Variants in GBP1 observed in about 807,000 individuals in gnomAD.
GBP1 encodes the protein guanylate-binding protein 1.
Under a neutral mutation model 69.5 loss-of-function variants are expected in GBP1, and 64 were observed. That is an observed-to-expected ratio of 0.92 (90% CI 0.75 to 1.13). GBP1 has a LOEUF of 1.13. GBP1 is among the 50% of genes most tolerant of loss of function. The probability of loss-of-function intolerance (pLI) is 0.00; values close to 1 mark genes in which losing one functional copy is unlikely to be tolerated. For missense variants in GBP1, 630 were observed against 704.1 expected (o/e 0.89, Z 1.19); for synonymous variants, 250 against 261.2 (o/e 0.96, Z 0.41).
intron 2 of GBP1, among the ~76,000 whole-genome samples, chr1:89,061,587 A>G (rs1292874039): frequency 6.6e-6 from 1 of 152,152 alleles, no homozygotes; most frequent in Admixed American, 6.5e-5. Flanking sequence ...GTTTTATAAT[A>G]TTGGATTTGG....
Position 89,058,042 on chromosome 1 carries a change from C to G in GBP1, c.824G>C (p.Ser275Thr), listed in dbSNP as rs374475528. ...QVADFCSYIF[S>T]NSKTKTLSGG... ...TGAAAGAGTTTTAGTTTTGGAATTA[C>G]TAAAGATGTAGGAACAGAAGTCTGC... The change falls in exon 6 of 11, where the codon AGT becomes ACT. Residue 275 changes from serine (S) to threonine (T), a missense_variant. Transcript: ENST00000370473. The G allele has an allele frequency of 1.2e-6, 2 of 1,613,908 alleles. No individual in the cohort carries two copies. Among genetic ancestry groups the G allele is most frequent in the African/African-American group, 1.3e-5 (1 of 74,930 alleles).
At chr1:89,053,926 T>C (rs1302222961) in intron 10 of GBP1, among the ~76,000 whole-genome samples, 1 of 152,254 alleles carries the variant, frequency 6.6e-6, no homozygotes, top group Non-Finnish European at 1.5e-5. Context: ...TTCTTAAATC[T>C]AATTTCATAG....
In GBP1 at chr1:89,058,074, T is replaced by G. The variant is rs1471785768; in HGVS notation, c.792A>C (p.Gln264His). ...QDEELDPEFVQQVADFCSYIF... is the reference protein window; with the variant it reads ...QDEELDPEFVHQVADFCSYIF... ...TGTAGGAACAGAAGTCTGCTACTTGTTGCACAAATTCGGGGTCCAGCTCTT... is the reference window on the plus strand; with the variant it reads ...TGTAGGAACAGAAGTCTGCTACTTGGTGCACAAATTCGGGGTCCAGCTCTT... Residue 264 changes from glutamine (Q) to histidine (H), a missense_variant, in exon 6 of 11, where the codon CAA becomes CAC. Transcript: ENST00000370473. The G allele has an allele frequency of 1.2e-6, 2 of 1,614,074 alleles. No individual in the cohort carries two copies. The highest frequency in any genetic ancestry group is 2.7e-5 in the African/African-American group (2 of 74,922).
At chr1:89,060,775 C>T (rs564500837) in intron 2 of GBP1, among the ~76,000 whole-genome samples, 4 of 152,362 alleles carry the variant, frequency 2.6e-5, no homozygotes, top group Non-Finnish European at 5.9e-5. Context: ...TTATCTCTGT[C>T]TGCTGATGAT....
chr1:89,054,073 T>C (rs1244441444), intron 10 of GBP1, among the ~76,000 whole-genome samples: 2 of 152,226 alleles, frequency 1.3e-5, no homozygotes, highest in East Asian at 1.9e-4. Context: ...AATAAGGATA[T>C]AGTTCTTGCT....
chr1:89,054,949 T>C, intron 9 of GBP1, 74 bp from the exon 10 acceptor site: 1 of 1,548,506 alleles, frequency 6.5e-7, no homozygotes, highest in Non-Finnish European at 8.8e-7. Flanking sequence ...TACACTTACC[T>C]GTCGTTGTTG....
In GBP1 at chr1:89,059,558, A is replaced by C. The variant is rs570806024; in HGVS notation, c.319-132T>G. The stretch of plus-strand genomic sequence containing the variant: ...TTTCTTTTTTTTTTTTTTTTTTAAC[A>C]CTAATGACCTATTAAAGGAAGACAA... On this transcript the variant is annotated intron_variant, in intron 3 of 10. Transcript: ENST00000370473. 39 of 781,142 alleles carry C rather than the reference A, an allele frequency of 5.0e-5. 1 individual carries two copies. The South Asian group carries it at 7.7e-4, about 15-fold the overall frequency. The allele number at this position is 781,142 out of a possible 1,614,324, so 48.4% of individuals were successfully genotyped here. A position where few individuals can be genotyped will look rare whatever the true frequency, so the allele number is the denominator to read the frequency against.
At position 89,058,907 on chromosome 1, in the gene GBP1, A is replaced by T; in HGVS notation, c.565T>A (p.Leu189Met). 2.5e-6 allele frequency: 4 copies of T among 1,614,154 alleles called. No individual in the cohort carries two copies. The highest frequency in any genetic ancestry group is 3.4e-6 in the Non-Finnish European group (4 of 1,180,024). ...GTGAGGGGTTGTCCATCTGCTTCCA[A>T]GTCCAGGGAGAAATCTCTCAGTGTC... ...VWTLRDFSLD[L>M]EADGQPLTPD... Residue 189 changes from leucine (L) to methionine (M), a missense_variant, in exon 5 of 11, where the codon TTG becomes ATG. Around this residue, in one of 5 missense-constraint regions of GBP1, gnomAD observed 367 missense variants for 369.5 expected, o/e 0.99. Coordinates refer to ENST00000370473, the MANE Select transcript of GBP1 (RefSeq NM_002053.3).
At chr1:89,055,374 T>C in intron 8 of GBP1, 159 bp from the exon 9 acceptor site, 1 of 1,262,554 alleles carries the variant, frequency 7.9e-7, no homozygotes, top group Non-Finnish European at 1.1e-6. Context: ...CACATGCTCC[T>C]GGCAAGCCGA....
intron 7 of GBP1, 34 bp downstream of exon 7, chr1:89,056,820 A>C: frequency 1.9e-6 from 3 of 1,602,258 alleles, no homozygotes; most frequent in Non-Finnish European, 1.7e-6. Flanking sequence ...AGCTTCTATG[A>C]CCCTAAACCG....
Position 89,058,052 on chromosome 1 carries a change from A to G in GBP1, c.814T>C (p.Tyr272His), listed in dbSNP as rs757111579. ...TTAGTTTTGGAATTACTAAAGATGT[A>G]GGAACAGAAGTCTGCTACTTGTTGC... ...FVQQVADFCS[Y>H]IFSNSKTKTL... The change falls in exon 6 of 11, where the codon TAC (tyrosine) becomes CAC (histidine). Residue 272 changes from tyrosine (Y) to histidine (H), a missense_variant. Physicochemically the swap from Tyr to His is moderately conservative, Grantham distance 83 (BLOSUM62 2). This residue lies in a region of GBP1 where 367 missense variants were observed against 369.5 expected (regional missense o/e 0.99). Coordinates refer to ENST00000370473, the MANE Select transcript of GBP1 (RefSeq NM_002053.3). The G allele has an allele frequency of 6.2e-6, 10 of 1,614,020 alleles. No individual in the cohort carries two copies. Among genetic ancestry groups the G allele is most frequent in the Non-Finnish European group, 4.2e-6 (5 of 1,179,994 alleles).
Position 89,056,828 on chromosome 1 carries a change from C to G in GBP1, c.1155+26G>C, listed in dbSNP as rs371567910. 28 of 1,610,048 alleles carry G rather than the reference C, an allele frequency of 1.7e-5. No individual in the cohort carries two copies. The African/African-American group carries it at 3.1e-4, about 18-fold the overall frequency. On this transcript the variant is annotated intron_variant, in intron 7 of 10. Transcript: ENST00000370473. ...GTACTTTAGCTTCTATGACCCTAAA[C>G]CGTATACATTTGAGACAAAAATTAC...
intron 2 of GBP1, among the ~76,000 whole-genome samples, chr1:89,060,555 C>T (rs1016504943): frequency 6.6e-6 from 1 of 152,136 alleles, no homozygotes; most frequent in Non-Finnish European, 1.5e-5. Flanking sequence ...AAAGACAGCA[C>T]CTCAACATAA....
In GBP1 at chr1:89,055,216, C is replaced by T; in HGVS notation, c.1369-1G>A. 6.2e-7 allele frequency: 1 copy of T among 1,613,196 alleles called. No individual in the cohort carries two copies. The highest frequency in any genetic ancestry group is 2.2e-5 in the East Asian group (1 of 44,878). The stretch of plus-strand genomic sequence containing the variant: ...AGTATGTCTGCAGAATCTCTTCAGC[C>T]TTAGGACCCAGAGAACACAGAGTGA... On this transcript the variant is annotated splice_acceptor_variant, in intron 8 of 10. Transcript: ENST00000370473. LOFTEE classifies it high-confidence loss of function.
rs967588910 is a variant in GBP1, at chr1:89,052,401, A to G, written c.*954T>C. ...ACTTTTCACACATAAGACAAAGTCTACATATACTAGGTAAACACAAGAGCA... is the reference window on the plus strand; with the variant it reads ...ACTTTTCACACATAAGACAAAGTCTGCATATACTAGGTAAACACAAGAGCA... On this transcript the variant is annotated 3_prime_UTR_variant, in exon 11 of 11. Coordinates refer to ENST00000370473, the MANE Select transcript of GBP1 (RefSeq NM_002053.3). The G allele has an allele frequency of 2.6e-5, 4 of 152,250 alleles. No homozygotes were observed. Among genetic ancestry groups the G allele is most frequent in the African/African-American group, 9.6e-5 (4 of 41,472 alleles). The allele number at this position is 152,250 out of a possible 1,614,324, so 9.4% of individuals were successfully genotyped here.
chr1:89,059,336 G>A lies in GBP1; in HGVS notation c.409C>T (p.Gln137Ter). 1 of 1,614,124 alleles carries A rather than the reference G, an allele frequency of 6.2e-7. No homozygotes were observed. Among genetic ancestry groups the A allele is most frequent in the African/African-American group, 1.3e-5 (1 of 75,012 alleles). Residue 137 changes from glutamine (Q) to a stop codon, truncating the protein, a stop_gained, in exon 4 of 11, where the codon CAG (glutamine) becomes TAG (stop). Coordinates refer to ENST00000370473, the MANE Select transcript of GBP1 (RefSeq NM_002053.3). LOFTEE classifies it high-confidence loss of function. ...GGATACTACAGTTGGTCCATAGCCT[G>A]CTGGTTGATGGTTCCTATGCTATTG... Reference protein sequence around the residue: ...VYNSIGTINQQAMDQLYYVTE... With the variant: ...VYNSIGTINQ
intron 6 of GBP1, among the ~76,000 whole-genome samples, chr1:89,057,532 T>G (rs1429313627): frequency 6.6e-6 from 1 of 152,258 alleles, no homozygotes; most frequent in East Asian, 1.9e-4. Context: ...ACTATTCCAA[T>G]AAAAAAGAGT....
chr1:89,055,875 T>C, intron 8 of GBP1, 141 bp downstream of exon 8: 3 of 993,066 alleles, frequency 3.0e-6, no homozygotes, highest in Non-Finnish European at 4.7e-6. Context: ...TATAACAGCC[T>C]GTTTGCATAT....
At chr1:89,059,115 A>T in intron 4 of GBP1, 72 bp from the exon 5 acceptor site, 1 of 1,603,018 alleles carries the variant, frequency 6.2e-7, no homozygotes, top group Non-Finnish European at 8.5e-7. Flanking sequence ...ACACATACCC[A>T]AACCTTCCAT....
Sources: gnomAD v4.1 joint callset for allele counts (sites outside exome capture counted in the v4.1 genomes callset) on GRCh38, gnomAD v4.1.1 for gene constraint, gnomAD v4.1.1 regional missense constraint, MANE v1.5 for transcripts, NCBI Gene and HGNC (gene_info 2026-07-23, HGNC 2026-07-21) for gene names.